ANKRD20A1: variants seen among roughly 807,000 people sequenced by gnomAD.
ANKRD20A1 encodes the protein ankyrin repeat domain 20 family member A1, also known as ankyrin repeat domain-containing protein 20A1.
In ANKRD20A1, 2 loss-of-function variants were observed where a neutral mutation model predicts 50.9. The observed-to-expected ratio is 0.04, with a 90% CI of 0.02 to 0.12. ANKRD20A1 has a LOEUF of 0.12. Ranked by LOEUF, ANKRD20A1 falls within the 10% of genes least tolerant of loss-of-function variation. The pLI is 1.00. For missense variants in ANKRD20A1, 31 were observed against 548.1 expected (o/e 0.06, Z 9.42); for synonymous variants, 10 against 186.2 (o/e 0.05, Z 7.70).
At position 67,861,209 on chromosome 9, in the gene ANKRD20A1, TTG is replaced by T. The variant is rs1264180896; in HGVS notation, c.203+1588_203+1589del. On this transcript the variant is annotated intron_variant, in intron 1 of 14. Transcript: ENST00000562196. ...TCTCACTTTCTATTCTTTATCATTA[TTG>T]TGTGTGTTGTTATCTTCTTTGAGCT... Among the ~76,000 whole-genome samples the T allele has an allele frequency of 1.0e-4, 5 of 49,020 alleles. 2 individuals carry two copies. The highest frequency in any genetic ancestry group is 2.1e-4 in the Non-Finnish European group (5 of 24,324). 32.2% of individuals were successfully genotyped at this position (49,020 alleles called of 152,430 possible).
chr9:67,883,155 A>G (rs201145505), intron 8 of ANKRD20A1, among the ~76,000 whole-genome samples: 8,164 of 100,604 alleles, frequency 0.081, 21 homozygotes, highest in East Asian at 0.16. Context: ...TATACCCAGT[A>G]ATGGGATGGC....
At chr9:67,882,204 C>T (rs1456200801) in intron 8 of ANKRD20A1, among the ~76,000 whole-genome samples, 1 of 150,658 alleles carries the variant, frequency 6.6e-6, no homozygotes, top group East Asian at 2.0e-4. Context: ...CCAGGCTGGT[C>T]TTTAACTGTT....
intron 9 of ANKRD20A1, among the ~76,000 whole-genome samples, chr9:67,885,402 C>G (rs1587603624): frequency 6.6e-6 from 1 of 152,420 alleles, no homozygotes; most frequent in Admixed American, 6.5e-5. Flanking sequence ...CCTCACCACA[C>G]AGACCTGTGT....
chr9:67,884,609 G>A, intron 9 of ANKRD20A1, 39 bp downstream of exon 9: 2 of 1,590,302 alleles, frequency 1.3e-6, no homozygotes, highest in Non-Finnish European at 1.7e-6. Context: ...ATCTGATGGA[G>A]GCCGGGTGCG....
chr9:67,873,431 T>TCC (rs1481493649), intron 6 of ANKRD20A1, among the ~76,000 whole-genome samples: 1 of 152,310 alleles, frequency 6.6e-6, no homozygotes, highest in Non-Finnish European at 1.5e-5. Flanking sequence ...TACAAGAATC[T>TCC]CCAAGTCAAA....
chr9:67,884,891 G>T (rs1827852983), intron 9 of ANKRD20A1, among the ~76,000 whole-genome samples: 1 of 149,752 alleles, frequency 6.7e-6, no homozygotes, highest in East Asian at 2.0e-4. Flanking sequence ...CTCCGTCTCA[G>T]AAAAAACAAA....
At chr9:67,881,142 G>T (rs1381815378) in intron 8 of ANKRD20A1, among the ~76,000 whole-genome samples, 1 of 150,590 alleles carries the variant, frequency 6.6e-6, no homozygotes, top group Non-Finnish European at 1.5e-5. Flanking sequence ...AACTGAGTGT[G>T]GTGGTGTACA....
chr9:67,881,350 A>G (rs1218406519), intron 8 of ANKRD20A1, among the ~76,000 whole-genome samples: 1 of 148,982 alleles, frequency 6.7e-6, no homozygotes, highest in African/African-American at 2.5e-5. Context: ...GAGTTTATAT[A>G]AGGCACTTCA....
In ANKRD20A1 at chr9:67,879,438, A is replaced by G. The variant is rs1486846093; in HGVS notation, c.825-1038A>G. 3.7e-5 allele frequency among the ~76,000 whole-genome samples: 2 copies of G among 53,362 alleles called. 1 individual carries two copies. Among genetic ancestry groups the G allele is most frequent in the Non-Finnish European group, 1.3e-4 (2 of 15,578 alleles). 35.0% of individuals were successfully genotyped at this position (53,362 alleles called of 152,430 possible). A position where few individuals can be genotyped will look rare whatever the true frequency, so the allele number is the denominator to read the frequency against. The stretch of plus-strand genomic sequence containing the variant: ...CATGGAGTTCAGTTGGGTAGTTGGT[A>G]GTGTGTCTAGCTGGGGACAGGTGAT... On this transcript the variant is annotated intron_variant, in intron 7 of 14. Transcript: ENST00000562196.
chr9:67,894,503 C>T (rs1262607061), intron 12 of ANKRD20A1, among the ~76,000 whole-genome samples: 5 of 138,362 alleles, frequency 3.6e-5, no homozygotes, highest in African/African-American at 7.5e-5. Context: ...TAAGTTTAAT[C>T]GAAACAAATG....
rs1468406324 is a variant in ANKRD20A1 at position 67,860,293 on chromosome 9, C to T, written c.203+664C>T. On this transcript the variant is annotated intron_variant, in intron 1 of 14. Transcript: ENST00000562196. ...AACTCCTGACCTCAAGTCATCTGCC[C>T]GCCTCCACCTCCCAAAGCGCTGGGA... Among the ~76,000 whole-genome samples the T allele has an allele frequency of 8.6e-5, 4 of 46,682 alleles. 2 individuals carry two copies. The highest frequency in any genetic ancestry group is 1.7e-4 in the Non-Finnish European group (4 of 23,748). The allele number at this position is 46,682 out of a possible 152,430, so 30.6% of individuals were successfully genotyped here.
At chr9:67,889,076 C>A (rs1463638977) in intron 11 of ANKRD20A1, among the ~76,000 whole-genome samples, 1 of 147,896 alleles carries the variant, frequency 6.8e-6, no homozygotes, top group Non-Finnish European at 1.5e-5. Context: ...AAGCAATTCT[C>A]CTGCCTCAGC....
rs1238044751 is a variant in ANKRD20A1, at chr9:67,896,325, A to G, written c.1153-1234A>G. The stretch of plus-strand genomic sequence containing the variant: ...GCATGCAAGTTTATCTGCTTAGCTC[A>G]AACTGTTTGAACTTACAGTCCCATC... On this transcript the variant is annotated intron_variant, in intron 12 of 14. Coordinates refer to ENST00000562196, the MANE Select transcript of ANKRD20A1 (RefSeq NM_032250.5). Among the ~76,000 whole-genome samples the G allele has an allele frequency of 3.6e-5, 3 of 82,760 alleles. 1 individual carries two copies. The highest frequency in any genetic ancestry group is 3.4e-4 in the Admixed American group (2 of 5,856). 54.3% of individuals were successfully genotyped at this position (82,760 alleles called of 152,430 possible). A position where few individuals can be genotyped will look rare whatever the true frequency, so the allele number is the denominator to read the frequency against.
In ANKRD20A1 at chr9:67,860,348, A is replaced by G. The variant is rs1310136730; in HGVS notation, c.203+719A>G. ...AGGTGTGAGCCACCGCGCCTGGCCT[A>G]TGTTGTTTATTATATATCATAAGAT... On this transcript the variant is annotated intron_variant, in intron 1 of 14. Coordinates refer to ENST00000562196, the MANE Select transcript of ANKRD20A1 (RefSeq NM_032250.5). 8.4e-5 allele frequency: 4 copies of G among 47,392 alleles called. 2 individuals carry two copies. Among genetic ancestry groups the G allele is most frequent in the Non-Finnish European group, 1.7e-4 (4 of 23,994 alleles). 2.9% of individuals were successfully genotyped at this position (47,392 alleles called of 1,614,324 possible). A position where few individuals can be genotyped will look rare whatever the true frequency, so the allele number is the denominator to read the frequency against.
intron 3 of ANKRD20A1, among the ~76,000 whole-genome samples, chr9:67,864,767 C>G (rs1218301003): frequency 2.1e-5 from 1 of 47,862 alleles, no homozygotes; most frequent in Non-Finnish European, 4.2e-5. Context: ...TTCTGTATCT[C>G]AAAAATGTAA....
At chr9:67,872,573 C>G (rs1827665917) in intron 6 of ANKRD20A1, among the ~76,000 whole-genome samples, 1 of 135,662 alleles carries the variant, frequency 7.4e-6, no homozygotes, top group African/African-American at 2.7e-5. Context: ...AGATTAGAAG[C>G]AAGTAAACAG....
intron 8 of ANKRD20A1, among the ~76,000 whole-genome samples, chr9:67,882,759 G>A (rs1827820693): frequency 7.0e-6 from 1 of 143,270 alleles, no homozygotes; most frequent in African/African-American, 2.5e-5. Context: ...TTTACATTAG[G>A]TATATCTCCT....
At chr9:67,890,872 CATG>C (rs1226916442) in intron 11 of ANKRD20A1, among the ~76,000 whole-genome samples, 1 of 138,068 alleles carries the variant, frequency 7.2e-6, no homozygotes, top group African/African-American at 2.7e-5. Context: ...TTTTACAAAA[CATG>C]ATGATAATCT....
chr9:67,897,042 C>CA (rs1175792757), intron 12 of ANKRD20A1, among the ~76,000 whole-genome samples: 260 of 43,884 alleles, frequency 5.9e-3, no homozygotes, highest in African/African-American at 0.017. Context: ...TCACAGGATT[C>CA]AAAAAAAAAA....
Sources: allele counts gnomAD v4.1 joint callset (sites outside exome capture counted in the v4.1 genomes callset), GRCh38; gene constraint gnomAD v4.1.1; transcripts MANE v1.5; gene names NCBI Gene and HGNC (gene_info 2026-07-23, HGNC 2026-07-21).